Variants in SLC2A13 observed in about 807,000 individuals in gnomAD.
SLC2A13 encodes the protein solute carrier family 2 member 13.
A neutral mutation model predicts 64.4 loss-of-function variants in SLC2A13; 32 were observed. That is an observed-to-expected ratio of 0.50 (90% confidence interval 0.37 to 0.67). The LOEUF is 0.67. Among genes scored for constraint, SLC2A13 ranks in the 30% least tolerant of loss-of-function variants. The pLI is 0.00. For missense variants in SLC2A13, 743 were observed against 829.2 expected (o/e 0.90, Z 1.28); for synonymous variants, 338 against 327.1 (o/e 1.03, Z -0.36).
At chr12:40,062,959 G>T (rs1267712377) in intron 1 of SLC2A13, among the ~76,000 whole-genome samples, 1 of 151,606 alleles carries the variant, frequency 6.6e-6, no homozygotes, top group Admixed American at 6.6e-5. Context: ...CCATTTTTCT[G>T]GTATCTATTT....
chr12:39,898,805 A>T (rs1350900500), intron 4 of SLC2A13, among the ~76,000 whole-genome samples: 1 of 152,188 alleles, frequency 6.6e-6, no homozygotes, highest in South Asian at 2.1e-4. Flanking sequence ...GAACAAATTA[A>T]ATGTGCAAAT....
At chr12:39,996,703 A>G (rs1334322462) in intron 3 of SLC2A13, among the ~76,000 whole-genome samples, 2 of 152,226 alleles carry the variant, frequency 1.3e-5, no homozygotes, top group Non-Finnish European at 2.9e-5. Flanking sequence ...CAGAGGGTGC[A>G]ATCTTCAAGC....
intron 4 of SLC2A13, 147 bp from the exon 5 acceptor site, chr12:39,872,108 T>A (rs1944072492): frequency 1.1e-5 from 7 of 610,556 alleles, no homozygotes; most frequent in Admixed American, 4.2e-5. Flanking sequence ...TCATGCAAGC[T>A]GTTGAAAAGA....
intron 4 of SLC2A13, among the ~76,000 whole-genome samples, chr12:39,919,992 T>A (rs931317030): frequency 6.6e-6 from 1 of 152,048 alleles, no homozygotes; most frequent in Admixed American, 6.6e-5. Context: ...AGTAATATTT[T>A]AATCAGCTCT....
chr12:40,083,417 G>A (rs1300059679), intron 1 of SLC2A13, among the ~76,000 whole-genome samples: 3 of 152,114 alleles, frequency 2.0e-5, no homozygotes, highest in Non-Finnish European at 4.4e-5. Flanking sequence ...ATACCAGCAA[G>A]GGAAACTACA....
chr12:40,062,394 A>AG (rs1948436952), intron 1 of SLC2A13, among the ~76,000 whole-genome samples: 1 of 151,370 alleles, frequency 6.6e-6, no homozygotes, highest in Admixed American at 6.6e-5. Flanking sequence ...GGAAAAAAAA[A>AG]TCCCAAAACC....
rs950199566 is a variant in SLC2A13, at chr12:39,757,735, T to C, written c.*2291A>G. 1 of 152,108 alleles carries C rather than the reference T, an allele frequency of 6.6e-6. No individual in the cohort carries two copies. The highest frequency in any genetic ancestry group is 1.5e-5 in the Non-Finnish European group (1 of 67,630). The allele number at this position is 152,108 out of a possible 1,614,324, so 9.4% of individuals were successfully genotyped here. A position where few individuals can be genotyped will look rare whatever the true frequency, so the allele number is the denominator to read the frequency against. On this transcript the variant is annotated 3_prime_UTR_variant, in exon 10 of 10. Coordinates refer to ENST00000280871, the MANE Select transcript of SLC2A13 (RefSeq NM_052885.4). ...TTTATGGTTATAAAGTTGAAAACATTGTTTTCTTATATCAGGGAGAACAGG... is the reference window on the plus strand; with the variant it reads ...TTTATGGTTATAAAGTTGAAAACATCGTTTTCTTATATCAGGGAGAACAGG...
At chr12:40,097,704 A>T (rs1938999667) in intron 1 of SLC2A13, among the ~76,000 whole-genome samples, 1 of 152,206 alleles carries the variant, frequency 6.6e-6, no homozygotes. Context: ...TAGGATGGCC[A>T]CTGTCAAAAG....
At chr12:40,055,903 A>T (rs17442206) in intron 1 of SLC2A13, among the ~76,000 whole-genome samples, 3 of 151,930 alleles carry the variant, frequency 2.0e-5, no homozygotes, top group Non-Finnish European at 4.4e-5. Flanking sequence ...AGGTACCACA[A>T]ATATAGGAGA....
intron 9 of SLC2A13, among the ~76,000 whole-genome samples, chr12:39,760,718 T>C (rs759179770): frequency 9.9e-5 from 15 of 151,962 alleles, no homozygotes; most frequent in Admixed American, 6.6e-5. Context: ...GAATGTAAAC[T>C]CCATGAAGTC....
Position 39,756,025 on chromosome 12 carries a change from C to T in SLC2A13, c.*4001G>A, listed in dbSNP as rs899972417. ...ATTGCTATTTCTAGAAAAATAGCAGCAGTATTGCTCACCTAGAAGAGCTGA... is the reference window on the plus strand; with the variant it reads ...ATTGCTATTTCTAGAAAAATAGCAGTAGTATTGCTCACCTAGAAGAGCTGA... On this transcript the variant is annotated 3_prime_UTR_variant, in exon 10 of 10. Transcript: ENST00000280871. 9.9e-5 allele frequency: 15 copies of T among 151,848 alleles called. No homozygotes were observed. The highest frequency in any genetic ancestry group is 3.6e-4 in the African/African-American group (15 of 41,360). 9.4% of individuals were successfully genotyped at this position (151,848 alleles called of 1,614,324 possible).
chr12:39,832,996 C>T (rs1942898693), intron 6 of SLC2A13, among the ~76,000 whole-genome samples: 1 of 152,038 alleles, frequency 6.6e-6, no homozygotes, highest in African/African-American at 2.4e-5. Flanking sequence ...AGTCAATATA[C>T]ACATCTTAAA....
intron 3 of SLC2A13, among the ~76,000 whole-genome samples, chr12:40,015,956 A>G (rs1456573870): frequency 6.6e-6 from 1 of 152,192 alleles, no homozygotes; most frequent in Non-Finnish European, 1.5e-5. Flanking sequence ...TACATGACAC[A>G]TCGTAAATAT....
chr12:40,007,998 T>C (rs1477348402), intron 3 of SLC2A13, among the ~76,000 whole-genome samples: 13 of 152,180 alleles, frequency 8.5e-5, no homozygotes, highest in Non-Finnish European at 1.8e-4. Context: ...ACTTCTGAGG[T>C]AGAGTCTGAG....
intron 1 of SLC2A13, among the ~76,000 whole-genome samples, chr12:40,066,647 T>C (rs1937737495): frequency 1.3e-5 from 2 of 152,112 alleles, no homozygotes; most frequent in Admixed American, 1.3e-4. Flanking sequence ...GTACAGTTAA[T>C]AAAAACACAT....
At chr12:39,775,052 T>G (rs778921221) in intron 7 of SLC2A13, among the ~76,000 whole-genome samples, 4 of 152,220 alleles carry the variant, frequency 2.6e-5, no homozygotes, top group Non-Finnish European at 5.9e-5. Flanking sequence ...ATATCTAAAG[T>G]GTATCCTTAG....
chr12:39,851,184 GT>G (rs1943457366), intron 6 of SLC2A13, among the ~76,000 whole-genome samples: 1 of 152,142 alleles, frequency 6.6e-6, no homozygotes, highest in Admixed American at 6.5e-5. Context: ...ACAGGCATGA[GT>G]CACCGTGTCC....
At chr12:39,979,508 G>A (rs1023930789) in intron 3 of SLC2A13, among the ~76,000 whole-genome samples, 3 of 149,428 alleles carry the variant, frequency 2.0e-5, no homozygotes, top group East Asian at 2.0e-4. Flanking sequence ...GCCAAGGCTC[G>A]AGAACTACGT....
At chr12:39,997,420 C>T (rs1462237281) in intron 3 of SLC2A13, among the ~76,000 whole-genome samples, 1 of 152,028 alleles carries the variant, frequency 6.6e-6, no homozygotes, top group Admixed American at 6.6e-5. Flanking sequence ...TAAGACAATT[C>T]TCAAAAGAAG....
Sources: gnomAD v4.1 joint callset for allele counts (sites outside exome capture counted in the v4.1 genomes callset) on GRCh38, gnomAD v4.1.1 for gene constraint, MANE v1.5 for transcripts, NCBI Gene and HGNC (gene_info 2026-07-23, HGNC 2026-07-21) for gene names.